The following VAT1L variants were observed in gnomAD, a reference collection of about 807,000 sequenced individuals.
VAT1L encodes putative NADPH-dependent quinone oxidoreductase VAT1L.
A neutral mutation model predicts 44.1 loss-of-function variants in VAT1L; 34 were observed. The observed-to-expected ratio is 0.77, with a 90% CI of 0.59 to 1.03. The LOEUF is 1.03. Ranked by LOEUF, VAT1L falls within the 50% of genes least tolerant of loss-of-function variation. The pLI, the probability that VAT1L is intolerant of heterozygous loss-of-function variation, is 0.00. For missense variants in VAT1L, 615 were observed against 538.8 expected, an observed-to-expected ratio of 1.14 and a Z score of -1.40; for synonymous variants, 253 against 202.2, an observed-to-expected ratio of 1.25 and a Z score of -2.13.
chr16:77,851,293 A>C (rs536285934), intron 3 of VAT1L, among the ~76,000 whole-genome samples: 1 of 152,302 alleles, frequency 6.6e-6, no homozygotes, highest in East Asian at 1.9e-4. Flanking sequence ...GAAAAAAGCT[A>C]TTTAACCTGG....
intron 7 of VAT1L, among the ~76,000 whole-genome samples, chr16:77,942,198 A>G (rs2017893956): frequency 6.6e-6 from 1 of 152,194 alleles, no homozygotes; most frequent in East Asian, 1.9e-4. Flanking sequence ...GTGGAAGATG[A>G]AAGGCATGTC....
At chr16:77,910,720 C>T (rs1045626452) in intron 7 of VAT1L, among the ~76,000 whole-genome samples, 11 of 149,448 alleles carry the variant, frequency 7.4e-5, no homozygotes, top group African/African-American at 2.7e-4. Flanking sequence ...AAAGAATACA[C>T]TAGGCATCAA....
intron 2 of VAT1L, among the ~76,000 whole-genome samples, chr16:77,818,650 C>T (rs2016396738): frequency 6.6e-6 from 1 of 152,162 alleles, no homozygotes; most frequent in Non-Finnish European, 1.5e-5. Context: ...ACTTACTATA[C>T]TTGATTATGT....
At chr16:77,802,956 G>A (rs555146149) in intron 1 of VAT1L, among the ~76,000 whole-genome samples, 7 of 152,232 alleles carry the variant, frequency 4.6e-5, no homozygotes, top group Admixed American at 4.6e-4. Context: ...GGACACAGCA[G>A]GGCCGGCAGC....
chr16:77,823,842 C>T (rs911939495), intron 2 of VAT1L, among the ~76,000 whole-genome samples: 1 of 152,048 alleles, frequency 6.6e-6, no homozygotes, highest in African/African-American at 2.4e-5. Flanking sequence ...GGTGAAACCC[C>T]GTCTCTAATA....
At chr16:77,828,162 G>A (rs1358677888) in intron 3 of VAT1L, among the ~76,000 whole-genome samples, 1 of 152,178 alleles carries the variant, frequency 6.6e-6, no homozygotes, top group Non-Finnish European at 1.5e-5. Flanking sequence ...GATGGGTGGG[G>A]CACTGTCTTA....
rs558925611 is a variant in VAT1L, at chr16:77,938,741, T to C, written c.1078-33109T>C. 4.6e-5 allele frequency among the ~76,000 whole-genome samples: 7 copies of C among 152,322 alleles called. No individual in the cohort carries two copies. The South Asian group carries it at 1.4e-3, about 32-fold the overall frequency. Reference sequence around the variant, plus strand: ...CGGAACCATGAGCCAATTAAACCTCTTTTCTTTATAAATTACCCAGTCTCA... The same window carrying C: ...CGGAACCATGAGCCAATTAAACCTCCTTTCTTTATAAATTACCCAGTCTCA... On this transcript the variant is annotated intron_variant, in intron 7 of 8. Transcript: ENST00000302536.
chr16:77,897,800 C>T (rs1002020786), intron 7 of VAT1L, among the ~76,000 whole-genome samples: 3 of 152,188 alleles, frequency 2.0e-5, no homozygotes, highest in Non-Finnish European at 4.4e-5. Flanking sequence ...AACCCTTCCA[C>T]TTCCTAGTGG....
intron 2 of VAT1L, among the ~76,000 whole-genome samples, chr16:77,824,491 C>A (rs1207798548): frequency 6.6e-6 from 1 of 152,118 alleles, no homozygotes; most frequent in Non-Finnish European, 1.5e-5. Flanking sequence ...CACGGTGGCT[C>A]ACGCCTGTAA....
rs184008416 is a variant in VAT1L, at chr16:77,960,945, T to C, written c.1078-10905T>C. Among the ~76,000 whole-genome samples the C allele has an allele frequency of 1.4e-3, 211 of 152,254 alleles. 1 individual carries two copies. Among genetic ancestry groups the C allele is most frequent in the African/African-American group, 4.5e-3 (188 of 41,556 alleles). On this transcript the variant is annotated intron_variant, in intron 7 of 8. Coordinates refer to ENST00000302536, the MANE Select transcript of VAT1L (RefSeq NM_020927.3). ...GAGTCTTGAACACCAGCCAACTTCA[T>C]TGAGAGCATGAACTGATGGCATGAG...
intron 7 of VAT1L, chr16:77,892,930 G>A: frequency 2.1e-6 from 2 of 945,694 alleles, no homozygotes; most frequent in Non-Finnish European, 3.4e-6. Flanking sequence ...TTTGACTTGT[G>A]TTTTATCTTA....
chr16:77,888,256 T>C (rs562035960), intron 7 of VAT1L, among the ~76,000 whole-genome samples: 1 of 152,320 alleles, frequency 6.6e-6, no homozygotes, highest in East Asian at 1.9e-4. Context: ...GATCCTGTTC[T>C]TTTATTTCTC....
intron 7 of VAT1L, among the ~76,000 whole-genome samples, chr16:77,893,620 T>C (rs2017291087): frequency 6.6e-6 from 1 of 152,230 alleles, no homozygotes; most frequent in Admixed American, 6.5e-5. Context: ...ACAATATTTC[T>C]AGAGGATTCG....
chr16:77,943,384 T>C lies in VAT1L; in HGVS notation c.1078-28466T>C, dbSNP rs1278866779. The stretch of plus-strand genomic sequence containing the variant: ...TGGCCTATTTTCTTTTTCTTTCTTT[T>C]TTTTTTTTTTTTTGAGACAGAGTCT... On this transcript the variant is annotated intron_variant, in intron 7 of 8. Coordinates refer to ENST00000302536, the MANE Select transcript of VAT1L (RefSeq NM_020927.3). Among the ~76,000 whole-genome samples the C allele has an allele frequency of 4.1e-5, 6 of 146,138 alleles. No individual in the cohort carries two copies. The South Asian group carries it at 8.9e-4, about 22-fold the overall frequency.
intron 1 of VAT1L, chr16:77,800,158 T>C (rs921465941): frequency 1.3e-5 from 2 of 152,190 alleles, no homozygotes; most frequent in African/African-American, 2.4e-5. Context: ...GAGTTTTACT[T>C]CTCCTTAACA....
chr16:77,855,210 C>T (rs1158140531), intron 3 of VAT1L, among the ~76,000 whole-genome samples: 2 of 151,892 alleles, frequency 1.3e-5, no homozygotes, highest in Non-Finnish European at 2.9e-5. Context: ...CATGGTGCCA[C>T]GTGCCTGCAG....
chr16:77,887,753 T>C (rs2017224072), intron 7 of VAT1L, among the ~76,000 whole-genome samples: 1 of 152,214 alleles, frequency 6.6e-6, no homozygotes, highest in Admixed American at 6.5e-5. Flanking sequence ...TCTGGGACTT[T>C]ACCTTGAACA....
In VAT1L at chr16:77,879,131, A is replaced by C. The variant is rs780997783; in HGVS notation, c.827-38A>C. 5.7e-5 allele frequency: 91 copies of C among 1,604,406 alleles called. 6 individuals carry two copies. The South Asian group carries it at 1.0e-3, about 18-fold the overall frequency. Reference sequence around the variant, plus strand: ...TGCATAACAAGAGATGTCCATTTTCATTAGCAATTGCTTAATGTGGGAATC... The same window carrying C: ...TGCATAACAAGAGATGTCCATTTTCCTTAGCAATTGCTTAATGTGGGAATC... On this transcript the variant is annotated intron_variant, in intron 5 of 8. Transcript: ENST00000302536. The surrounding 1 kb of genome is among the most constrained non-coding windows in gnomAD (Gnocchi z 4.1).
chr16:77,847,322 G>A (rs530774513), intron 3 of VAT1L, among the ~76,000 whole-genome samples: 1 of 152,168 alleles, frequency 6.6e-6, no homozygotes, highest in East Asian at 1.9e-4. Context: ...GTAGGTGTAT[G>A]AGAGGAGGAA....
Sources: allele counts gnomAD v4.1 joint callset (sites outside exome capture counted in the v4.1 genomes callset), GRCh38; gene constraint gnomAD v4.1.1; non-coding constraint Gnocchi (gnomAD v3.1); transcripts MANE v1.5; gene names NCBI Gene and HGNC (gene_info 2026-07-23, HGNC 2026-07-21).